The following PCSK4 variants were observed in gnomAD, a reference collection of about 807,000 sequenced individuals.
PCSK4 encodes testicular tissue protein Li 135.
PCSK4 carries 64 observed loss-of-function variants against 80.3 expected under a neutral mutation model. That is an observed-to-expected ratio of 0.80 (90% confidence interval 0.65 to 0.98). The LOEUF is 0.98. Ranked by LOEUF, PCSK4 falls within the 50% of genes least tolerant of loss-of-function variation. The probability of loss-of-function intolerance (pLI) is 0.00; values close to 1 mark genes in which losing one functional copy is unlikely to be tolerated. For synonymous variants in PCSK4, 561 were observed against 487.6 expected (o/e 1.15, Z -1.98); for missense variants, 1,213 against 1,093.6 (o/e 1.11, Z -1.54).
intron 8 of PCSK4, 143 bp from the exon 9 acceptor site, chr19:1,484,270 C>CT (rs1184370529): frequency 3.5e-6 from 2 of 569,372 alleles, no homozygotes; most frequent in Non-Finnish European, 6.4e-6. Flanking sequence ...GGCGTGTTGT[C>CT]TGAGGTCAGG....
chr19:1,483,910 G>C, exon 10 of PCSK4: 1 of 1,486,272 alleles, frequency 6.7e-7, no homozygotes, highest in Non-Finnish European at 8.9e-7. Flanking sequence ...CGGACCACCA[G>C]GTGCTGCATG....
At position 1,489,907 on chromosome 19, in the gene PCSK4, TG is replaced by T; in HGVS notation, c.190-11del. 3 of 1,598,864 alleles carry T rather than the reference TG, an allele frequency of 1.9e-6. No homozygotes were observed. The highest frequency in any genetic ancestry group is 1.7e-6 in the Non-Finnish European group (2 of 1,173,626). On this transcript the variant is annotated splice_polypyrimidine_tract_variant and intron_variant, in intron 1 of 14. Transcript: ENST00000300954. ...GCCCGTCAGGGAAGATCTGGGGATG[TG>T]GGGAAGCGGCCGCACCGATGGGACC...
At chr19:1,487,063 G>A in exon 8 of PCSK4, 2 of 1,604,692 alleles carry the variant, frequency 1.2e-6, no homozygotes, top group African/African-American at 1.3e-5. Context: ...GCCCGCCGCG[G>A]CCCTGGGAAA....
chr19:1,482,440 T>C, exon 14 of PCSK4: 1 of 1,608,050 alleles, frequency 6.2e-7, no homozygotes, highest in Non-Finnish European at 8.5e-7. Flanking sequence ...TCCTCGGCCG[T>C]CCCATAGAGC....
rs1255978159 is a variant in PCSK4 at position 1,487,827 on chromosome 19, TC to T, written c.550del (p.Asp184ThrfsTer62). On this transcript the variant is annotated frameshift_variant, in exon 5 of 15. Transcript: ENST00000300954. LOFTEE classifies it high-confidence loss of function. ...GGTGTAGCGGGGCTGGGGGTCCGGGTCGTAGTCATTGAAGTCATAGCTGGCC... is the reference window on the plus strand; with the variant it reads ...GGTGTAGCGGGGCTGGGGGTCCGGGTGTAGTCATTGAAGTCATAGCTGGCC... 3.2e-6 allele frequency: 5 copies of T among 1,568,660 alleles called. No homozygotes were observed. The highest frequency in any genetic ancestry group is 4.3e-6 in the Non-Finnish European group (5 of 1,157,402).
rs3907717 is a variant in PCSK4, at chr19:1,490,302, G to A, written c.45C>T (p.Ala15=). 7.6e-4 allele frequency: 1,165 copies of A among 1,540,176 alleles called. 23 individuals carry two copies. The South Asian group carries it at 0.012, about 15-fold the overall frequency. The change falls in exon 1 of 15, where the codon GCC becomes GCT. Residue 15 remains alanine, a synonymous_variant. Coordinates refer to ENST00000300954, the Ensembl canonical transcript of PCSK4. ...CAGCCCGGGGGCGGACAAGGGCCAG[G>A]GCCAAGACCAGGCGCAGCCACAGCG...
At chr19:1,490,327 G>A in exon 1 of PCSK4, 2 of 1,377,568 alleles carry the variant, frequency 1.5e-6, no homozygotes, top group Non-Finnish European at 2.0e-6. Flanking sequence ...CAGCCACAGC[G>A]CAATCGGGGC....
chr19:1,481,759 T>C, exon 15 of PCSK4: 1 of 1,506,818 alleles, frequency 6.6e-7, no homozygotes, highest in Non-Finnish European at 8.9e-7. Flanking sequence ...GCTGACAACT[T>C]CAGGTTCCAG....
At chr19:1,483,564 T>C in intron 11 of PCSK4, 86 bp downstream of exon 11, 4 of 1,417,578 alleles carry the variant, frequency 2.8e-6, no homozygotes, top group Non-Finnish European at 3.8e-6. Context: ...GGTCCAGCCC[T>C]CGTTTTACAG....
chr19:1,482,560 C>G, intron 13 of PCSK4, 85 bp from the exon 14 acceptor site: 2 of 1,509,866 alleles, frequency 1.3e-6, no homozygotes, highest in Middle Eastern at 1.8e-4. Context: ...CCCTCCCCTT[C>G]AGCTCCCACG....
chr19:1,487,376 C>T (rs2084683598), intron 6 of PCSK4, 63 bp from the exon 7 acceptor site: 10 of 1,347,022 alleles, frequency 7.4e-6, no homozygotes, highest in Non-Finnish European at 1.0e-5. Context: ...CCCCAGCCCG[C>T]CCCGCGCCAC....
chr19:1,489,671 G>A, intron 2 of PCSK4, 122 bp downstream of exon 2: 1 of 1,471,610 alleles, frequency 6.8e-7, no homozygotes, highest in Non-Finnish European at 9.1e-7. Context: ...GGCCCGGGCG[G>A]GTCTGAGCCA....
exon 15 of PCSK4, chr19:1,482,199 C>T (rs1291067099): frequency 1.2e-5 from 19 of 1,538,214 alleles, no homozygotes; most frequent in Admixed American, 1.9e-5. Flanking sequence ...TAGGCGGGGC[C>T]GTCACACGCT....
chr19:1,483,911 G>A (rs1372109004), exon 10 of PCSK4: 3 of 1,486,462 alleles, frequency 2.0e-6, no homozygotes, highest in African/African-American at 2.9e-5. Context: ...GGACCACCAG[G>A]TGCTGCATGT....
At chr19:1,489,577 G>A (rs2084829431) in intron 2 of PCSK4, 3 of 767,418 alleles carry the variant, frequency 3.9e-6, no homozygotes, top group South Asian at 2.0e-5. Flanking sequence ...GAGGACAAGA[G>A]GTGCCCACTG....
rs752565692 is a variant in PCSK4 at position 1,483,667 on chromosome 19, C to T, written c.1374G>A (p.Arg458=). 3.1e-6 allele frequency: 5 copies of T among 1,593,790 alleles called. No individual in the cohort carries two copies. The African/African-American group carries it at 4.0e-5, about 13-fold the overall frequency. ...GGTCTCACGTGGGGCGGCTCTGGAC[C>T]CGGACGGCGCACTTCCTCTGCGGCT... Residue 458 remains arginine (R), a synonymous_variant, in exon 11 of 15, where the codon CGG becomes CGA. Transcript: ENST00000300954.
chr19:1,483,929 C>T, exon 10 of PCSK4: 3 of 1,464,372 alleles, frequency 2.0e-6, no homozygotes, highest in Non-Finnish European at 2.7e-6. Context: ...TGTCTCTCCA[C>T]GTCAGGAACG....
At position 1,487,833 on chromosome 19, in the gene PCSK4, T is replaced by C. The variant is rs1028909882; in HGVS notation, c.545A>G (p.Asp182Gly). Residue 182 changes from aspartate to glycine, a missense_variant, in exon 5 of 15, where the codon GAC becomes GGC. Coordinates refer to ENST00000300954, the Ensembl canonical transcript of PCSK4. Reference sequence around the variant, plus strand: ...GCGGGGCTGGGGGTCCGGGTCGTAGTCATTGAAGTCATAGCTGGCCAGGGG... The same window carrying C: ...GCGGGGCTGGGGGTCCGGGTCGTAGCCATTGAAGTCATAGCTGGCCAGGGG... The C allele has an allele frequency of 4.5e-6, 7 of 1,562,834 alleles. 1 individual carries two copies. Among genetic ancestry groups the C allele is most frequent in the Non-Finnish European group, 6.1e-6 (7 of 1,153,322 alleles).
chr19:1,487,687 C>T lies in PCSK4; in HGVS notation c.598G>A (p.Gly200Arg), dbSNP rs763516853. ...GCCACCTCCCCAGCACAGCGGGTCCCGTGCCTGGTGCCAGGGCCAAGAGGG... is the reference window on the plus strand; with the variant it reads ...GCCACCTCCCCAGCACAGCGGGTCCTGTGCCTGGTGCCAGGGCCAAGAGGG... Residue 200 changes from glycine (G) to arginine (R), a missense_variant, in exon 6 of 15, where the codon GGG becomes AGG. Physicochemically the swap from Gly to Arg is moderately radical, Grantham distance 125. Transcript: ENST00000300954. 24 of 1,553,920 alleles carry T rather than the reference C, an allele frequency of 1.5e-5. No individual in the cohort carries two copies. The highest frequency in any genetic ancestry group is 7.8e-5 in the Admixed American group (4 of 51,158).
Sources: allele counts gnomAD v4.1 joint callset, GRCh38; gene constraint gnomAD v4.1.1; transcripts MANE v1.5; gene names NCBI Gene and HGNC (gene_info 2026-07-23, HGNC 2026-07-21).